Variants in GPC5 observed in about 807,000 individuals in gnomAD.
GPC5 encodes the protein glypican 5, also known as glypican-5.
A neutral mutation model predicts 53.9 loss-of-function variants in GPC5; 47 were observed. The observed-to-expected ratio is 0.87, with a 90% confidence interval of 0.69 to 1.11. The LOEUF (loss-of-function observed/expected upper bound fraction) is 1.11, where lower values mean the gene tolerates loss of function less well. Ranked by LOEUF, GPC5 falls within the 50% of genes most tolerant of loss-of-function variation. The probability of loss-of-function intolerance (pLI) is 0.00; values close to 1 mark genes in which losing one functional copy is unlikely to be tolerated. For missense variants in GPC5, 748 were observed against 713.1 expected (o/e 1.05, Z -0.56); for synonymous variants, 286 against 263.3 (o/e 1.09, Z -0.84).
intron 7 of GPC5, among the ~76,000 whole-genome samples, chr13:92,715,591 T>C (rs1888303935): frequency 6.6e-6 from 1 of 152,240 alleles, no homozygotes. Context: ...TATCTGGACT[T>C]CATGAGGGGC....
intron 7 of GPC5, among the ~76,000 whole-genome samples, chr13:92,151,919 C>G (rs1254068922): frequency 1.3e-5 from 2 of 152,070 alleles, no homozygotes; most frequent in African/African-American, 4.8e-5. Flanking sequence ...GAAAAGCAAC[C>G]AATATTTGCC....
intron 7 of GPC5, among the ~76,000 whole-genome samples, chr13:92,558,262 A>G (rs1232337933): frequency 2.6e-5 from 4 of 152,076 alleles, no homozygotes; most frequent in African/African-American, 9.6e-5. Flanking sequence ...GACTTGGACT[A>G]TAAATGCAAT....
intron 6 of GPC5, among the ~76,000 whole-genome samples, chr13:91,962,688 T>C (rs1566365829): frequency 6.6e-6 from 1 of 152,120 alleles, no homozygotes; most frequent in Non-Finnish European, 1.5e-5. Context: ...CTATGCTTAA[T>C]AGACATATCA....
In GPC5 at chr13:92,280,419, T is replaced by A. The variant is rs113687447; in HGVS notation, c.1561+135430T>A. 5.2e-3 allele frequency among the ~76,000 whole-genome samples: 791 copies of A among 152,320 alleles called. 5 individuals carry two copies. The highest frequency in any genetic ancestry group is 0.018 in the African/African-American group (751 of 41,576). On this transcript the variant is annotated intron_variant, in intron 7 of 7. Transcript: ENST00000377067. ...TTTAGGTTTAGTTTGCTTTGCTTTT[T>A]CTAGTTTGCTAAAGCATTAAGTTAT... is the stretch of plus-strand genomic sequence containing the variant.
intron 2 of GPC5, among the ~76,000 whole-genome samples, chr13:91,534,211 TA>T (rs1273058094): frequency 1.5e-4 from 2 of 13,708 alleles, no homozygotes; most frequent in Admixed American, 3.3e-3. Flanking sequence ...TTGAAAAACA[TA>T]TTCTCCCCTT....
At chr13:91,935,820 G>T (rs189406636) in intron 6 of GPC5, among the ~76,000 whole-genome samples, 1 of 152,100 alleles carries the variant, frequency 6.6e-6, no homozygotes, top group African/African-American at 2.4e-5. Context: ...TAAAGGATAA[G>T]TTAGACCTAT....
intron 6 of GPC5, among the ~76,000 whole-genome samples, chr13:92,017,798 A>G (rs1267247018): frequency 6.6e-6 from 1 of 151,484 alleles, no homozygotes; most frequent in Non-Finnish European, 1.5e-5. Flanking sequence ...ACGCATGAGT[A>G]CACACACGCA....
At chr13:91,498,088 A>ATT (rs34102629) in intron 2 of GPC5, among the ~76,000 whole-genome samples, 2,897 of 149,138 alleles carry the variant, frequency 0.019, 40 homozygotes, top group South Asian at 0.046. Context: ...TTAATCTTAG[A>ATT]TTTTTTTTTT....
chr13:91,690,104 A>G (rs1376121112), intron 2 of GPC5, among the ~76,000 whole-genome samples: 1 of 152,180 alleles, frequency 6.6e-6, no homozygotes, highest in Non-Finnish European at 1.5e-5. Context: ...CAGCTCCATT[A>G]TAATCTTATG....
intron 3 of GPC5, among the ~76,000 whole-genome samples, chr13:91,713,931 A>G (rs1022204476): frequency 1.3e-5 from 2 of 152,120 alleles, no homozygotes; most frequent in African/African-American, 4.8e-5. Flanking sequence ...TAGTTAGTCT[A>G]ATCTCATCCA....
chr13:91,997,868 A>T lies in GPC5; in HGVS notation c.1401+89811A>T, dbSNP rs1169027872. On this transcript the variant is annotated intron_variant, in intron 6 of 7. Coordinates refer to ENST00000377067, the MANE Select transcript of GPC5 (RefSeq NM_004466.6). ...GAAGTTTTAATTTGAATTTGCTCAA[A>T]TGTAGTTATTTTCTTTATGGTTAAA... Among the ~76,000 whole-genome samples, 7 of 152,268 alleles carry T rather than the reference A, an allele frequency of 4.6e-5. No homozygotes were observed. In the East Asian group the frequency reaches 1.4e-3, roughly 29 times the overall value.
chr13:92,787,937 A>G (rs1876318039), intron 7 of GPC5, among the ~76,000 whole-genome samples: 3 of 151,732 alleles, frequency 2.0e-5, no homozygotes, highest in Admixed American at 6.6e-5. Context: ...TATTTTAATG[A>G]AAGAGAATTT....
intron 5 of GPC5, among the ~76,000 whole-genome samples, chr13:91,895,172 A>G (rs923088727): frequency 1.3e-5 from 2 of 152,128 alleles, no homozygotes; most frequent in South Asian, 2.1e-4. Flanking sequence ...TGGTTCCCAC[A>G]TGCTGGTTCC....
chr13:91,398,908 G>T lies in GPC5; in HGVS notation c.-139G>T. ...CTGCTCCCAGGTGAAGCCGGTGCCC[G>T]CGGGCGGTCCGTACACCCCGCAGCC... is the stretch of plus-strand genomic sequence containing the variant. On this transcript the variant is annotated 5_prime_UTR_variant, in exon 1 of 8. Transcript: ENST00000377067. 2 of 1,065,032 alleles carry T rather than the reference G, an allele frequency of 1.9e-6. No homozygotes were observed. The highest frequency in any genetic ancestry group is 3.1e-5 in the Admixed American group (1 of 31,970). 66.0% of individuals were successfully genotyped at this position (1,065,032 alleles called of 1,614,324 possible).
chr13:91,613,854 G>C (rs766142424), intron 2 of GPC5, among the ~76,000 whole-genome samples: 3 of 152,184 alleles, frequency 2.0e-5, no homozygotes, highest in Non-Finnish European at 4.4e-5. Flanking sequence ...CCAAGAGAGT[G>C]TGTTGAGAGA....
chr13:92,151,086 G>A (rs1194637245), intron 7 of GPC5, among the ~76,000 whole-genome samples: 1 of 151,924 alleles, frequency 6.6e-6, no homozygotes, highest in Admixed American at 6.6e-5. Flanking sequence ...AAGTGCATCT[G>A]GTAGAAAGAA....
intron 5 of GPC5, among the ~76,000 whole-genome samples, chr13:91,786,661 A>G (rs1254556687): frequency 6.6e-6 from 1 of 152,100 alleles, no homozygotes; most frequent in Non-Finnish European, 1.5e-5. Flanking sequence ...CCTATATCTT[A>G]TTCTGGAAGT....
chr13:92,303,063 T>G (rs1335469484), intron 7 of GPC5, among the ~76,000 whole-genome samples: 1 of 152,214 alleles, frequency 6.6e-6, no homozygotes, highest in Non-Finnish European at 1.5e-5. Context: ...CTATTTTCTC[T>G]TATTCTCCTC....
chr13:91,665,284 C>T (rs183310034), intron 2 of GPC5, among the ~76,000 whole-genome samples: 2 of 152,140 alleles, frequency 1.3e-5, no homozygotes, highest in Admixed American at 6.5e-5. Flanking sequence ...ATACTTAGTA[C>T]TTCTTTATGT....
Sources: gnomAD v4.1 joint callset for allele counts (sites outside exome capture counted in the v4.1 genomes callset) on GRCh38, gnomAD v4.1.1 for gene constraint, MANE v1.5 for transcripts, NCBI Gene and HGNC (gene_info 2026-07-23, HGNC 2026-07-21) for gene names.